Variants in COL5A1 observed in about 807,000 individuals in gnomAD.
COL5A1 encodes the protein collagen alpha-1(V) chain.
COL5A1 carries 16 observed loss-of-function variants against 263.7 expected under a neutral mutation model. The ratio of observed to expected loss-of-function variants is 0.06; its 90% CI spans 0.04 to 0.09. The LOEUF is 0.09. COL5A1 is among the 10% of genes least tolerant of loss of function. The probability of loss-of-function intolerance (pLI) is 1.00; values close to 1 mark genes in which losing one functional copy is unlikely to be tolerated. For synonymous variants in COL5A1, 1,012 were observed against 1,004.5 expected, an observed-to-expected ratio of 1.01 and a Z score of -0.14; for missense variants, 2,036 against 2,540.5, an observed-to-expected ratio of 0.80 and a Z score of 4.27.
intron 18 of COL5A1, among the ~76,000 whole-genome samples, chr9:134,760,811 C>A (rs574759185): frequency 6.7e-6 from 1 of 148,712 alleles, no homozygotes; most frequent in Non-Finnish European, 1.5e-5. Context: ...CCCTGACACA[C>A]CCCCACATGC....
At chr9:134,651,748 G>A (rs1165520442) in intron 1 of COL5A1, among the ~76,000 whole-genome samples, 1 of 152,198 alleles carries the variant, frequency 6.6e-6, no homozygotes, top group African/African-American at 2.4e-5. Flanking sequence ...TGACAGGCGC[G>A]GGACAGAGGG....
chr9:134,652,170 A>G lies in COL5A1; in HGVS notation c.109+9874A>G, dbSNP rs1010520426. Among the ~76,000 whole-genome samples the G allele has an allele frequency of 6.6e-6, 1 of 152,138 alleles. No individual in the cohort carries two copies. The highest frequency in any genetic ancestry group is 1.5e-5 in the Non-Finnish European group (1 of 68,010). ...TGCGATTGTAAGAGCTTTCTAGGTAATTATTATTCATGCTATTTAGGGTCA... is the reference window on the plus strand; with the variant it reads ...TGCGATTGTAAGAGCTTTCTAGGTAGTTATTATTCATGCTATTTAGGGTCA... On this transcript the variant is annotated intron_variant, in intron 1 of 65. Coordinates refer to ENST00000371817, the MANE Select transcript of COL5A1 (RefSeq NM_000093.5). This position sits in a 1 kb window ranked among gnomAD's most constrained non-coding sequence, Gnocchi z 4.4.
chr9:134,836,983 C>A (rs917035298), intron 65 of COL5A1, among the ~76,000 whole-genome samples: 6 of 152,210 alleles, frequency 3.9e-5, no homozygotes, highest in African/African-American at 1.2e-4. Flanking sequence ...TTAAAAATGC[C>A]AGGGACCTTA....
intron 38 of COL5A1, 103 bp from the exon 39 acceptor site, chr9:134,802,785 C>A (rs568114534): frequency 2.3e-6 from 2 of 885,482 alleles, no homozygotes; most frequent in East Asian, 5.2e-5. Flanking sequence ...CCGCAGCAGA[C>A]CTTTGCGTCC....
intron 1 of COL5A1, among the ~76,000 whole-genome samples, chr9:134,687,431 CCA>C (rs1367154062): frequency 6.6e-6 from 1 of 150,626 alleles, no homozygotes; most frequent in Non-Finnish European, 1.5e-5. Context: ...ATCCATCCAT[CCA>C]TCCATCCATC....
rs575066901 is a variant in COL5A1 at position 134,742,286 on chromosome 9, T to C, written c.1494+3478T>C. Among the ~76,000 whole-genome samples the C allele has an allele frequency of 2.6e-5, 4 of 151,220 alleles. No homozygotes were observed. Among genetic ancestry groups the C allele is most frequent in the African/African-American group, 7.3e-5 (3 of 41,194 alleles). On this transcript the variant is annotated intron_variant, in intron 11 of 65. Transcript: ENST00000371817. The surrounding 1 kb of genome is among the most constrained non-coding windows in gnomAD (Gnocchi z 4.6). The stretch of plus-strand genomic sequence containing the variant: ...CAAGGAGAGGCACAGAAGTGGGGCC[T>C]GCCTTAAGAAACTCACCGTCCAGTG...
intron 42 of COL5A1, 51 bp from the exon 43 acceptor site, chr9:134,809,132 A>G (rs1251352273): frequency 1.4e-6 from 2 of 1,432,862 alleles, no homozygotes; most frequent in Admixed American, 2.0e-5. Flanking sequence ...TGGTGGGGGG[A>G]TGTTCCCAGG....
In COL5A1 at chr9:134,842,750, G is replaced by A. The variant is rs1431760976; in HGVS notation, c.*447G>A. 2 of 219,730 alleles carry A rather than the reference G, an allele frequency of 9.1e-6. No individual in the cohort carries two copies. Among genetic ancestry groups the A allele is most frequent in the Non-Finnish European group, 1.8e-5 (2 of 108,912 alleles). The allele number at this position is 219,730 out of a possible 1,614,324, so 13.6% of individuals were successfully genotyped here. On this transcript the variant is annotated 3_prime_UTR_variant, in exon 66 of 66. Coordinates refer to ENST00000371817, the MANE Select transcript of COL5A1 (RefSeq NM_000093.5). This position sits in a 1 kb window ranked among gnomAD's most constrained non-coding sequence, Gnocchi z 5.8. ...CAAAAAATGTTCCAAGGTAAGCCTC[G>A]TAAAGGTCATCCCACCATCACCAAA...
intron 18 of COL5A1, among the ~76,000 whole-genome samples, chr9:134,760,260 C>T (rs1309198260): frequency 8.0e-6 from 1 of 124,598 alleles, no homozygotes; most frequent in African/African-American, 3.0e-5. Context: ...ACACACCCCA[C>T]ACTGATACAC....
chr9:134,667,018 G>A (rs926236689), intron 1 of COL5A1, among the ~76,000 whole-genome samples: 2 of 152,188 alleles, frequency 1.3e-5, no homozygotes, highest in African/African-American at 2.4e-5. Context: ...CTGTGGGTCT[G>A]GCATTGATCT....
rs2132692712 is a variant in COL5A1, at chr9:134,755,273, C to T, written c.1827+947C>T. 6.6e-6 allele frequency among the ~76,000 whole-genome samples: 1 copy of T among 152,228 alleles called. No homozygotes were observed. The highest frequency in any genetic ancestry group is 1.5e-5 in the Non-Finnish European group (1 of 68,016). On this transcript the variant is annotated intron_variant, in intron 16 of 65. Transcript: ENST00000371817. This position sits in a 1 kb window ranked among gnomAD's most constrained non-coding sequence, Gnocchi z 4.1. The stretch of plus-strand genomic sequence containing the variant: ...CTGATTCTGAAAAATGTTTTATTTC[C>T]TTAAGGTGTTTTTGTGTGTCTCCGT...
intron 57 of COL5A1, among the ~76,000 whole-genome samples, chr9:134,819,458 T>C (rs1373725044): frequency 1.3e-5 from 2 of 152,224 alleles, no homozygotes; most frequent in East Asian, 1.9e-4. Context: ...CTGCTGGGAA[T>C]TGTTTTCCAC....
intron 65 of COL5A1, among the ~76,000 whole-genome samples, chr9:134,835,898 G>A (rs770489809): frequency 4.6e-5 from 7 of 152,214 alleles, no homozygotes; most frequent in African/African-American, 9.6e-5. Flanking sequence ...ATGTGCCCGC[G>A]TGTCCTGGAG....
At chr9:134,779,287 C>T (rs772966198) in intron 27 of COL5A1, among the ~76,000 whole-genome samples, 3 of 152,196 alleles carry the variant, frequency 2.0e-5, no homozygotes, top group Non-Finnish European at 4.4e-5. Flanking sequence ...GGTGTGGCTG[C>T]GTAATTCCAC....
chr9:134,729,231 C>G (rs1834774937), intron 6 of COL5A1, among the ~76,000 whole-genome samples: 1 of 152,198 alleles, frequency 6.6e-6, no homozygotes, highest in Non-Finnish European at 1.5e-5. Context: ...CGGGTCCTCC[C>G]CGCTCTGGGC....
Position 134,812,431 on chromosome 9 carries a change from G to A in COL5A1, c.3691-18G>A, listed in dbSNP as rs770630512. ...ACATGACAGAACAGCGCTTAACTGG[G>A]AAGTTTCCTGTTCTCAGGGTTTGCC... On this transcript the variant is annotated intron_variant, in intron 46 of 65. Transcript: ENST00000371817. The A allele has an allele frequency of 6.2e-6, 10 of 1,613,730 alleles. No individual in the cohort carries two copies. In the East Asian group the frequency reaches 2.2e-4, roughly 36 times the overall value.
At chr9:134,761,832 A>G (rs1224553237) in intron 18 of COL5A1, 93 bp from the exon 19 acceptor site, 1 of 1,228,426 alleles carries the variant, frequency 8.1e-7, no homozygotes, top group East Asian at 2.3e-5. Context: ...TGGGAATCTT[A>G]CTGTCAGAAT....
chr9:134,836,532 G>A (rs1031531849), intron 65 of COL5A1, among the ~76,000 whole-genome samples: 6 of 152,208 alleles, frequency 3.9e-5, no homozygotes, highest in Admixed American at 3.9e-4. Context: ...CGTTAGGGCC[G>A]GCCCTGCAGG....
Position 134,812,671 on chromosome 9 carries a change from C to A in COL5A1, c.3811C>A (p.Pro1271Thr). 1 of 1,593,550 alleles carries A rather than the reference C, an allele frequency of 6.3e-7. No homozygotes were observed. Among genetic ancestry groups the A allele is most frequent in the Non-Finnish European group, 8.5e-7 (1 of 1,170,414 alleles). ...GAPGADGPQG[P>T]PGGIGNPGAV... ...TCCAGGTGCTGATGGCCCACAAGGT[C>A]CCCCAGGTGGAATAGGAAACCCTGG... Residue 1271 changes from proline (P) to threonine (T), a missense_variant, in exon 48 of 66, where the codon CCC becomes ACC. Coordinates refer to ENST00000371817, the MANE Select transcript of COL5A1 (RefSeq NM_000093.5).
Sources: allele counts gnomAD v4.1 joint callset (sites outside exome capture counted in the v4.1 genomes callset), GRCh38; gene constraint gnomAD v4.1.1; non-coding constraint Gnocchi (gnomAD v3.1); transcripts MANE v1.5; gene names NCBI Gene and HGNC (gene_info 2026-07-23, HGNC 2026-07-21).